Variants in CYP7B1 observed in about 807,000 individuals in gnomAD.
The protein encoded by CYP7B1 is cytochrome P450 7B1.
CYP7B1 carries 29 observed loss-of-function variants against 42.7 expected under a neutral mutation model. The ratio of observed to expected loss-of-function variants is 0.68; its 90% CI spans 0.51 to 0.93. The LOEUF is 0.93. Among genes scored for constraint, CYP7B1 ranks in the 40% least tolerant of loss-of-function variants. CYP7B1 has a pLI of 0.00. For synonymous variants in CYP7B1, 235 were observed against 218.2 expected (o/e 1.08, Z -0.68); for missense variants, 655 against 600.5 (o/e 1.09, Z -0.95).
chr8:64,588,172 T>C (rs1329027650), downstream of CYP7B1, among the ~76,000 whole-genome samples: 3 of 151,808 alleles, frequency 2.0e-5, no homozygotes, highest in African/African-American at 7.3e-5. Context: ...AGAAGAATGA[T>C]ACATTTTAGA....
At chr8:64,607,110 C>T (rs957628679) in intron 4 of CYP7B1, among the ~76,000 whole-genome samples, 1 of 152,008 alleles carries the variant, frequency 6.6e-6, no homozygotes, top group Non-Finnish European at 1.5e-5. Context: ...GTGCTAGTGC[C>T]GAACAAACAA....
rs566390777 is a variant in CYP7B1, at chr8:64,647,073, C to G, written c.123-22534G>C. Reference sequence around the variant, plus strand: ...TTCCTTTCACTTGAACACTTAAAGGCCACTGTAGGGTTATTAATTGGCCTA... The same window carrying G: ...TTCCTTTCACTTGAACACTTAAAGGGCACTGTAGGGTTATTAATTGGCCTA... On this transcript the variant is annotated intron_variant, in intron 1 of 5. Coordinates refer to ENST00000310193, the MANE Select transcript of CYP7B1 (RefSeq NM_004820.5). Among the ~76,000 whole-genome samples the G allele has an allele frequency of 2.6e-5, 4 of 152,228 alleles. No homozygotes were observed. In the East Asian group the frequency reaches 5.8e-4, roughly 22 times the overall value.
intron 1 of CYP7B1, among the ~76,000 whole-genome samples, chr8:64,651,518 G>A (rs1411960309): frequency 6.6e-6 from 1 of 152,158 alleles, no homozygotes; most frequent in Non-Finnish European, 1.5e-5. Context: ...ATCTTTTTCT[G>A]TATCTTGGCT....
At chr8:64,626,173 A>G (rs560456831) in intron 1 of CYP7B1, among the ~76,000 whole-genome samples, 1 of 152,278 alleles carries the variant, frequency 6.6e-6, no homozygotes, top group East Asian at 1.9e-4. Context: ...TGTAAGGACA[A>G]GCTGTGTACC....
intron 1 of CYP7B1, among the ~76,000 whole-genome samples, chr8:64,724,043 G>A (rs1044188156): frequency 7.2e-5 from 11 of 152,156 alleles, no homozygotes; most frequent in South Asian, 4.2e-4. Context: ...CACAGAGAAC[G>A]GTCTGAAAGG....
intron 2 of CYP7B1, among the ~76,000 whole-genome samples, chr8:64,623,777 T>C (rs1805566232): frequency 6.6e-6 from 1 of 152,154 alleles, no homozygotes; most frequent in African/African-American, 2.4e-5. Flanking sequence ...GGAAGAAGAA[T>C]GAATAGGTGG....
At chr8:64,796,374 T>C (rs545992293) in intron 1 of CYP7B1, among the ~76,000 whole-genome samples, 3 of 152,314 alleles carry the variant, frequency 2.0e-5, no homozygotes, top group African/African-American at 7.2e-5. Context: ...TTTAAAAGTA[T>C]ACAAATTCCT....
chr8:64,643,192 TAC>T (rs896274314), intron 1 of CYP7B1, among the ~76,000 whole-genome samples: 134 of 115,166 alleles, frequency 1.2e-3, no homozygotes, highest in South Asian at 0.011. Flanking sequence ...CATATATATA[TAC>T]ACACACACAC....
downstream of CYP7B1, chr8:64,587,900 T>C (rs1297115407): frequency 6.6e-6 from 1 of 152,204 alleles, no homozygotes; most frequent in African/African-American, 2.4e-5. Context: ...ACATATATGA[T>C]GGACAAGGCT....
At chr8:64,744,450 T>C (rs1388329087) in intron 1 of CYP7B1, among the ~76,000 whole-genome samples, 2 of 151,936 alleles carry the variant, frequency 1.3e-5, no homozygotes, top group Non-Finnish European at 2.9e-5. Context: ...CATTCCACAA[T>C]CCCAGTAACA....
chr8:64,624,492 C>G lies in CYP7B1; in HGVS notation c.170G>C (p.Gly57Ala), dbSNP rs1805578327. 1.2e-6 allele frequency: 2 copies of G among 1,613,254 alleles called. No homozygotes were observed. The highest frequency in any genetic ancestry group is 1.7e-6 in the Non-Finnish European group (2 of 1,179,860). ...PLIKGWLPYL[G>A]VVLNLRKDPL... The stretch of plus-strand genomic sequence containing the variant: ...GTCTTTTCGTAAGTTCAGGACCACT[C>G]CAAGATAAGGAAGCCAACCTTTTAT... Residue 57 changes from glycine (G) to alanine (A), a missense_variant, in exon 2 of 6, where the codon GGA becomes GCA. Transcript: ENST00000310193.
chr8:64,772,096 T>G (rs904915230), intron 1 of CYP7B1, among the ~76,000 whole-genome samples: 1 of 152,196 alleles, frequency 6.6e-6, no homozygotes, highest in African/African-American at 2.4e-5. Flanking sequence ...AAGAGAATTT[T>G]TACAGACTCT....
At chr8:64,729,618 A>T (rs1273953044) in intron 1 of CYP7B1, among the ~76,000 whole-genome samples, 1 of 152,212 alleles carries the variant, frequency 6.6e-6, no homozygotes, top group Non-Finnish European at 1.5e-5. Flanking sequence ...ACCAGAAGAC[A>T]TTTTAAGCGT....
chr8:64,757,943 A>G (rs1480793672), intron 1 of CYP7B1, among the ~76,000 whole-genome samples: 1 of 152,160 alleles, frequency 6.6e-6, no homozygotes, highest in East Asian at 1.9e-4. Flanking sequence ...AGAAAGTCAC[A>G]CCAGATACTA....
At chr8:64,708,775 C>T (rs1340137957) in intron 1 of CYP7B1, among the ~76,000 whole-genome samples, 1 of 152,034 alleles carries the variant, frequency 6.6e-6, no homozygotes, top group Non-Finnish European at 1.5e-5. Context: ...ACTGAAAGTA[C>T]TAGTTATTAA....
At chr8:64,777,856 G>GA (rs200006487) in intron 1 of CYP7B1, among the ~76,000 whole-genome samples, 110 of 143,248 alleles carry the variant, frequency 7.7e-4, no homozygotes, top group Admixed American at 1.2e-3. Flanking sequence ...TTCAGTATAG[G>GA]AAAAAAAAAA....
At chr8:64,640,106 A>G (rs962867870) in intron 1 of CYP7B1, among the ~76,000 whole-genome samples, 6 of 152,186 alleles carry the variant, frequency 3.9e-5, no homozygotes, top group African/African-American at 1.4e-4. Flanking sequence ...AATAGAGGCA[A>G]AAGGCAGATC....
In CYP7B1 at chr8:64,617,337, G is replaced by A. The variant is rs533818234; in HGVS notation, c.260-1056C>T. Among the ~76,000 whole-genome samples the A allele has an allele frequency of 1.4e-4, 22 of 152,258 alleles. No homozygotes were observed. The South Asian group carries it at 4.3e-3, about 30-fold the overall frequency. On this transcript the variant is annotated intron_variant, in intron 2 of 5. Coordinates refer to ENST00000310193, the MANE Select transcript of CYP7B1 (RefSeq NM_004820.5). ...ACCTTGAAGGACACAGTCTACTATA[G>A]TCTGTCTCTCAAAATTGGCAGAGAC...
At chr8:64,599,973 C>T (rs1805177236) in intron 5 of CYP7B1, among the ~76,000 whole-genome samples, 2 of 152,196 alleles carry the variant, frequency 1.3e-5, no homozygotes. Context: ...TTTATCTCTG[C>T]ATGTTTAAAG....
Sources: allele counts gnomAD v4.1 joint callset (sites outside exome capture counted in the v4.1 genomes callset), GRCh38; gene constraint gnomAD v4.1.1; transcripts MANE v1.5; gene names NCBI Gene and HGNC (gene_info 2026-07-23, HGNC 2026-07-21).